NFASC: variants seen among roughly 807,000 people sequenced by gnomAD.
The protein encoded by NFASC is neurofascin homolog.
Under a neutral mutation model 147.5 loss-of-function variants are expected in NFASC, and 43 were observed. The observed-to-expected ratio is 0.29, with a 90% CI of 0.23 to 0.38. The LOEUF (loss-of-function observed/expected upper bound fraction) is 0.38. NFASC is among the 10% of genes least tolerant of loss of function. The pLI is 1.00. For synonymous variants in NFASC, 622 were observed against 665.5 expected (o/e 0.93, Z 1.01); for missense variants, 1,320 against 1,689.0 (o/e 0.78, Z 3.83).
chr1:204,938,400 T>C (rs1024313898), intron 2 of NFASC, among the ~76,000 whole-genome samples: 1 of 152,232 alleles, frequency 6.6e-6, no homozygotes, highest in Non-Finnish European at 1.5e-5. Flanking sequence ...TGCCCCATGC[T>C]TTACCAAGTG....
chr1:204,835,862 C>T (rs980601099), intron 1 of NFASC, among the ~76,000 whole-genome samples: 7 of 152,140 alleles, frequency 4.6e-5, no homozygotes, highest in Non-Finnish European at 8.8e-5. Context: ...GCTAGCTTTC[C>T]TGGATCCAGT....
At chr1:204,960,375 G>A (rs762305310) in intron 8 of NFASC, among the ~76,000 whole-genome samples, 6 of 152,200 alleles carry the variant, frequency 3.9e-5, no homozygotes, top group Non-Finnish European at 7.3e-5. Flanking sequence ...AGCTGGGCCC[G>A]TCCCACTCTG....
chr1:204,928,600 A>G (rs1345497094), intron 2 of NFASC, among the ~76,000 whole-genome samples: 1 of 152,236 alleles, frequency 6.6e-6, no homozygotes, highest in Non-Finnish European at 1.5e-5. Flanking sequence ...CGTGAGTTGT[A>G]CCATTGTTGT....
rs560456642 is a variant in NFASC at position 204,932,154 on chromosome 1, C to T, written c.-91+11414C>T. Among the ~76,000 whole-genome samples the T allele has an allele frequency of 7.2e-4, 110 of 152,242 alleles. 1 individual carries two copies. The highest frequency in any genetic ancestry group is 2.6e-3 in the African/African-American group (108 of 41,540). On this transcript the variant is annotated intron_variant, in intron 2 of 29. Coordinates refer to ENST00000339876, the MANE Select transcript of NFASC (RefSeq NM_001005388.3). ...CGTTGGGTCAGGTTTACCCTATATTCAGAGAAAACATAAAGGTCTTGCTTT... is the reference window on the plus strand; with the variant it reads ...CGTTGGGTCAGGTTTACCCTATATTTAGAGAAAACATAAAGGTCTTGCTTT...
chr1:204,986,160 G>A lies in NFASC; in HGVS notation c.2471-1258G>A, dbSNP rs1280582027. The A allele has an allele frequency of 1.4e-6, 2 of 1,431,472 alleles. No individual in the cohort carries two copies. The highest frequency in any genetic ancestry group is 2.0e-6 in the Non-Finnish European group (2 of 1,014,572). 88.7% of individuals were successfully genotyped at this position (1,431,472 alleles called of 1,614,324 possible). On this transcript the variant is annotated intron_variant, in intron 21 of 29. Coordinates refer to ENST00000339876, the MANE Select transcript of NFASC (RefSeq NM_001005388.3). The surrounding 1 kb of genome is among the most constrained non-coding windows in gnomAD (Gnocchi z 4.2). Reference sequence around the variant, plus strand: ...TTCAGGGTGGGGCAGGAGAAGGGTGGCACACACCTTGGGCCTGGAGAAACT... The same window carrying A: ...TTCAGGGTGGGGCAGGAGAAGGGTGACACACACCTTGGGCCTGGAGAAACT...
chr1:204,857,666 G>A (rs1249412355), intron 1 of NFASC, among the ~76,000 whole-genome samples: 1 of 152,138 alleles, frequency 6.6e-6, no homozygotes, highest in African/African-American at 2.4e-5. Flanking sequence ...GGCTTGAAGG[G>A]ATGTACACTG....
At position 205,018,233 on chromosome 1, in the gene NFASC, C is replaced by A. The variant is rs975825760; in HGVS notation, c.*1694C>A. Reference sequence around the variant, plus strand: ...GTTTCAGGAGGGTGAAGCTGATCCCCAGGAATGGATCAGCTGCCATGGGCA... The same window carrying A: ...GTTTCAGGAGGGTGAAGCTGATCCCAAGGAATGGATCAGCTGCCATGGGCA... On this transcript the variant is annotated 3_prime_UTR_variant, in exon 30 of 30. Transcript: ENST00000339876. 3.3e-5 allele frequency: 5 copies of A among 152,624 alleles called. No homozygotes were observed. Among genetic ancestry groups the A allele is most frequent in the Admixed American group, 2.0e-4 (3 of 15,314 alleles). The allele number at this position is 152,624 out of a possible 1,614,324, so 9.5% of individuals were successfully genotyped here. A position where few individuals can be genotyped will look rare whatever the true frequency, so the allele number is the denominator to read the frequency against.
rs1378319318 is a variant in NFASC, at chr1:204,987,645, G to A, written c.2593+105G>A. 28 of 1,351,926 alleles carry A rather than the reference G, an allele frequency of 2.1e-5. No individual in the cohort carries two copies. The highest frequency in any genetic ancestry group is 2.9e-5 in the Non-Finnish European group (28 of 964,154). The allele number at this position is 1,351,926 out of a possible 1,614,324, so 83.7% of individuals were successfully genotyped here. On this transcript the variant is annotated intron_variant, in intron 22 of 29. Transcript: ENST00000339876. This position sits in a 1 kb window ranked among gnomAD's most constrained non-coding sequence, Gnocchi z 4.4. ...GGTAGAAAGCCTGTGGGTGCAGATG[G>A]CATTGTGGAGGGATGGAGGGGCCAA...
intron 1 of NFASC, among the ~76,000 whole-genome samples, chr1:204,848,809 T>G (rs2075400666): frequency 2.0e-5 from 3 of 152,250 alleles, no homozygotes; most frequent in African/African-American, 7.2e-5. Flanking sequence ...TGTTTCCCGG[T>G]TACAACCCAG....
chr1:204,999,609 G>A lies in NFASC; in HGVS notation c.3020-1561G>A, dbSNP rs923110970. On this transcript the variant is annotated intron_variant, in intron 25 of 29. Transcript: ENST00000339876. Reference sequence around the variant, plus strand: ...AAGCGTCTGGCAGACAGGCAAAGAAGCCTACCTTCTCCCCTCCCCACGGTG... The same window carrying A: ...AAGCGTCTGGCAGACAGGCAAAGAAACCTACCTTCTCCCCTCCCCACGGTG... 4 of 152,142 alleles carry A rather than the reference G, an allele frequency of 2.6e-5. No individual in the cohort carries two copies. The East Asian group carries it at 5.8e-4, about 22-fold the overall frequency. 9.4% of individuals were successfully genotyped at this position (152,142 alleles called of 1,614,324 possible).
At chr1:204,831,264 A>G (rs540443125) in intron 1 of NFASC, among the ~76,000 whole-genome samples, 1 of 151,728 alleles carries the variant, frequency 6.6e-6, no homozygotes, top group Non-Finnish European at 1.5e-5. Context: ...AAATAAACCA[A>G]GGCACACGGA....
chr1:205,009,551 C>G lies in NFASC; in HGVS notation c.3290-6C>G, dbSNP rs377485532. On this transcript the variant is annotated splice_polypyrimidine_tract_variant and splice_region_variant and intron_variant, in intron 27 of 29. Coordinates refer to ENST00000339876, the MANE Select transcript of NFASC (RefSeq NM_001005388.3). ...TCACGGGTTTGCTTCCGGCCCTCCC[C>G]GCCAGCTTACACCAACAACCAAGCG... is the stretch of plus-strand genomic sequence containing the variant. 1.6e-5 allele frequency: 26 copies of G among 1,613,980 alleles called. No homozygotes were observed. The highest frequency in any genetic ancestry group is 2.2e-5 in the Non-Finnish European group (26 of 1,179,908).
intron 1 of NFASC, among the ~76,000 whole-genome samples, chr1:204,847,150 C>A (rs1170379101): frequency 1.3e-5 from 2 of 151,990 alleles, no homozygotes; most frequent in Non-Finnish European, 2.9e-5. Context: ...GTCATGGGGT[C>A]TAAGTGTGAG....
In NFASC at chr1:204,866,813, A is replaced by G. The variant is rs570141738; in HGVS notation, c.-200+38031A>G. Reference sequence around the variant, plus strand: ...ATATCATTACAATGAATCTTTGCTTAGTGATGGAGATACATAATGTCCTTT... The same window carrying G: ...ATATCATTACAATGAATCTTTGCTTGGTGATGGAGATACATAATGTCCTTT... On this transcript the variant is annotated intron_variant, in intron 1 of 29. Transcript: ENST00000339876. Among the ~76,000 whole-genome samples the G allele has an allele frequency of 2.6e-5, 4 of 152,342 alleles. 1 individual carries two copies. The highest frequency in any genetic ancestry group is 9.6e-5 in the African/African-American group (4 of 41,592).
intron 16 of NFASC, 109 bp downstream of exon 16, chr1:204,976,904 C>T (rs1474123097): frequency 1.9e-5 from 28 of 1,499,410 alleles, no homozygotes; most frequent in East Asian, 2.4e-5. Context: ...GTCAAGTGGC[C>T]GGGTCAGGCG....
intron 10 of NFASC, among the ~76,000 whole-genome samples, chr1:204,969,240 A>G (rs1181472496): frequency 6.6e-6 from 1 of 152,156 alleles, no homozygotes; most frequent in Non-Finnish European, 1.5e-5. Context: ...GCGCTCCCTC[A>G]GCGGGTGAAT....
chr1:204,862,467 G>A (rs192454857), intron 1 of NFASC, among the ~76,000 whole-genome samples: 118 of 152,342 alleles, frequency 7.7e-4, no homozygotes, highest in Admixed American at 5.3e-3. Context: ...TCAGCTGGAA[G>A]GCTTTATAGG....
chr1:204,911,765 C>A (rs1283981127), intron 1 of NFASC, among the ~76,000 whole-genome samples: 3 of 151,948 alleles, frequency 2.0e-5, no homozygotes, highest in Non-Finnish European at 4.4e-5. Flanking sequence ...CTGAAGGTTT[C>A]CTTTTTTGAA....
Position 204,954,681 on chromosome 1 carries a change from G to T in NFASC, c.413-148G>T. On this transcript the variant is annotated intron_variant, in intron 6 of 29. Coordinates refer to ENST00000339876, the MANE Select transcript of NFASC (RefSeq NM_001005388.3). This position sits in a 1 kb window ranked among gnomAD's most constrained non-coding sequence, Gnocchi z 5.7. ...CTCTCAAGGGCGGCCCCTTGAGTAG[G>T]CTCACGTGCCCCGTCCCTCTCTCTT... The T allele has an allele frequency of 6.2e-6, 6 of 965,548 alleles. No individual in the cohort carries two copies. In the South Asian group the frequency reaches 9.6e-5, roughly 15 times the overall value. 59.8% of individuals were successfully genotyped at this position (965,548 alleles called of 1,614,324 possible). A position where few individuals can be genotyped will look rare whatever the true frequency, so the allele number is the denominator to read the frequency against.
Sources: allele counts gnomAD v4.1 joint callset (sites outside exome capture counted in the v4.1 genomes callset), GRCh38; gene constraint gnomAD v4.1.1; non-coding constraint Gnocchi (gnomAD v3.1); transcripts MANE v1.5; gene names NCBI Gene and HGNC (gene_info 2026-07-23, HGNC 2026-07-21).